CALN1: variants seen among roughly 807,000 people sequenced by gnomAD.
The protein encoded by CALN1 is calcium-binding protein 8.
CALN1 carries 17 observed loss-of-function variants against 30.6 expected under a neutral mutation model. The ratio of observed to expected loss-of-function variants is 0.56; its 90% CI spans 0.38 to 0.83. The LOEUF (loss-of-function observed/expected upper bound fraction) is 0.83, where lower values mean the gene tolerates loss of function less well. CALN1 is among the 40% of genes least tolerant of loss of function. The probability of loss-of-function intolerance (pLI) is 0.00; values close to 1 mark genes in which losing one functional copy is unlikely to be tolerated. For synonymous variants in CALN1, 156 were observed against 131.4 expected (o/e 1.19, Z -1.28); for missense variants, 291 against 354.9 (o/e 0.82, Z 1.45).
intron 5 of CALN1, among the ~76,000 whole-genome samples, chr7:71,907,239 A>AACAC (rs71531773): frequency 0.19 from 27,919 of 147,710 alleles, 2,655 homozygotes; most frequent in Non-Finnish European, 0.21. Flanking sequence ...ATGAGGTTTA[A>AACAC]ACACACACAC....
intron 3 of CALN1, among the ~76,000 whole-genome samples, chr7:72,234,801 T>C (rs1335296900): frequency 6.6e-6 from 1 of 152,180 alleles, no homozygotes; most frequent in Non-Finnish European, 1.5e-5. Flanking sequence ...CCATCTCTAA[T>C]TTAATTTGGT....
At chr7:72,458,688 T>A in the CALN1 span, among the ~76,000 whole-genome samples, 33 of 42,192 alleles carry the variant, frequency 7.8e-4, no homozygotes, top group African/African-American at 4.5e-3. Flanking sequence ...ATAATATATT[T>A]TATAATATAT....
chr7:72,372,952 C>A (rs1390866174), intron 2 of CALN1, among the ~76,000 whole-genome samples: 1 of 151,034 alleles, frequency 6.6e-6, no homozygotes, highest in Admixed American at 6.6e-5. Context: ...AATTATCTGG[C>A]AAATTATCTG....
At chr7:71,880,834 T>C (rs1438410311) in intron 5 of CALN1, among the ~76,000 whole-genome samples, 2 of 152,224 alleles carry the variant, frequency 1.3e-5, no homozygotes, top group Non-Finnish European at 2.9e-5. Context: ...CCTACCACTT[T>C]TCCTCGCATT....
intron 1 of CALN1, among the ~76,000 whole-genome samples, chr7:72,439,682 A>G (rs915612865): frequency 6.6e-6 from 1 of 151,686 alleles, no homozygotes; most frequent in African/African-American, 2.4e-5. Context: ...AGTTCAAGCA[A>G]TTCTCTACCT....
Position 72,001,236 on chromosome 7 carries a change from T to C in CALN1, c.501+22421A>G, listed in dbSNP as rs536033287. On this transcript the variant is annotated intron_variant, in intron 5 of 6. Coordinates refer to ENST00000395275, the MANE Select transcript of CALN1 (RefSeq NM_031468.4). ...TGCACTAAGTAACAGTAATTGGTTG[T>C]AGCCAGCATCAGGGAAAGGCAGTCT... Among the ~76,000 whole-genome samples, 484 of 152,190 alleles carry C rather than the reference T, an allele frequency of 3.2e-3. 1 individual carries two copies. Among genetic ancestry groups the C allele is most frequent in the Non-Finnish European group, 5.8e-3 (394 of 67,994 alleles).
chr7:72,179,886 T>C (rs543302553), intron 3 of CALN1, among the ~76,000 whole-genome samples: 1 of 152,332 alleles, frequency 6.6e-6, no homozygotes, highest in African/African-American at 2.4e-5. Flanking sequence ...CATATACTGT[T>C]TGCTTATTAA....
At chr7:71,974,567 C>T (rs1419915264) in intron 5 of CALN1, among the ~76,000 whole-genome samples, 9 of 152,018 alleles carry the variant, frequency 5.9e-5, no homozygotes, top group Admixed American at 5.9e-4. Flanking sequence ...TGCTACGATG[C>T]TTACTGACCA....
chr7:71,817,773 C>T (rs1788352813), intron 5 of CALN1, among the ~76,000 whole-genome samples: 1 of 152,124 alleles, frequency 6.6e-6, no homozygotes, highest in Non-Finnish European at 1.5e-5. Flanking sequence ...CTTGGCCTCC[C>T]AAAGAGCTGG....
At chr7:71,981,672 AC>A (rs1199032021) in intron 5 of CALN1, among the ~76,000 whole-genome samples, 1 of 140,824 alleles carries the variant, frequency 7.1e-6, no homozygotes, top group Non-Finnish European at 1.5e-5. Context: ...AAAAAACAAA[AC>A]CAAAAAAAAA....
chr7:72,367,315 T>G (rs1350931185), intron 2 of CALN1, among the ~76,000 whole-genome samples: 1 of 151,930 alleles, frequency 6.6e-6, no homozygotes, highest in Admixed American at 6.6e-5. Flanking sequence ...AGCAAGGCCC[T>G]GTCTCTACAA....
intron 5 of CALN1, among the ~76,000 whole-genome samples, chr7:71,996,870 C>A (rs1337499913): frequency 1.3e-5 from 2 of 151,892 alleles, no homozygotes; most frequent in Non-Finnish European, 1.5e-5. Flanking sequence ...AAAATCTCAA[C>A]AAGTAAATAA....
chr7:72,479,270 C>G, the CALN1 span, among the ~76,000 whole-genome samples: 26 of 152,208 alleles, frequency 1.7e-4, no homozygotes, highest in African/African-American at 6.3e-4. Context: ...TTGGAAAGTT[C>G]TTTATATATT....
At chr7:72,108,559 T>C (rs1807337616) in intron 3 of CALN1, among the ~76,000 whole-genome samples, 1 of 152,212 alleles carries the variant, frequency 6.6e-6, no homozygotes, top group Non-Finnish European at 1.5e-5. Flanking sequence ...ACTCTAATTC[T>C]GGGAATGCCT....
At chr7:72,298,834 G>A (rs978281735) in intron 2 of CALN1, among the ~76,000 whole-genome samples, 1 of 150,986 alleles carries the variant, frequency 6.6e-6, no homozygotes, top group Non-Finnish European at 1.5e-5. Flanking sequence ...GAGGGGTGCG[G>A]AGTTTCCCTG....
rs954876896 is a variant in CALN1, at chr7:71,783,725, GGA to G, written c.*4048_*4049del. 6.6e-6 allele frequency: 1 copy of G among 152,604 alleles called. No individual in the cohort carries two copies. Among genetic ancestry groups the G allele is most frequent in the African/African-American group, 2.4e-5 (1 of 41,446 alleles). 9.5% of individuals were successfully genotyped at this position (152,604 alleles called of 1,614,324 possible). A position where few individuals can be genotyped will look rare whatever the true frequency, so the allele number is the denominator to read the frequency against. On this transcript the variant is annotated 3_prime_UTR_variant, in exon 7 of 7. Transcript: ENST00000395275. ...GACTTAAACCGAGTACGAGGCATTT[GGA>G]ATAAAAGGTAAACTTTTCTCTCTCA...
the CALN1 span, among the ~76,000 whole-genome samples, chr7:72,492,330 T>C: frequency 1.3e-5 from 2 of 152,332 alleles, no homozygotes; most frequent in East Asian, 3.9e-4. Flanking sequence ...GTGATCTTGG[T>C]CAATTCAAAT....
intron 3 of CALN1, among the ~76,000 whole-genome samples, chr7:72,201,834 G>C (rs1318114956): frequency 1.3e-5 from 2 of 151,406 alleles, no homozygotes; most frequent in East Asian, 3.9e-4. Flanking sequence ...CTCCCCTCTA[G>C]CCTTAGAAGT....
At chr7:71,846,846 T>TTA (rs1341592436) in intron 5 of CALN1, among the ~76,000 whole-genome samples, 1 of 146,470 alleles carries the variant, frequency 6.8e-6, no homozygotes, top group Non-Finnish European at 1.5e-5. Context: ...TGTGTATATA[T>TTA]TATATATGTA....
Sources: gnomAD v4.1 joint callset for allele counts (sites outside exome capture counted in the v4.1 genomes callset) on GRCh38, gnomAD v4.1.1 for gene constraint, MANE v1.5 for transcripts, NCBI Gene and HGNC (gene_info 2026-07-23, HGNC 2026-07-21) for gene names.